PDE4D: variants seen among roughly 807,000 people sequenced by gnomAD.
PDE4D encodes 3',5'-cyclic-AMP phosphodiesterase 4D.
In PDE4D, 24 loss-of-function variants were observed where a neutral mutation model predicts 87.4. The ratio of observed to expected loss-of-function variants is 0.27; its 90% CI spans 0.20 to 0.39. The LOEUF (loss-of-function observed/expected upper bound fraction) is 0.39, where lower values mean the gene tolerates loss of function less well. Among genes scored for constraint, PDE4D ranks in the 10% least tolerant of loss-of-function variants. The pLI is 1.00. For synonymous variants in PDE4D, 384 were observed against 383.2 expected (o/e 1.00, Z -0.02); for missense variants, 714 against 1,041.0 (o/e 0.69, Z 4.32).
intron 2 of PDE4D, among the ~76,000 whole-genome samples, chr5:60,114,884 GTA>G (rs144111213): frequency 3.3e-5 from 5 of 150,004 alleles, no homozygotes; most frequent in African/African-American, 9.8e-5. Flanking sequence ...GTATGTGTGT[GTA>G]TATATATATG....
At chr5:59,525,565 G>A (rs1024979826) in intron 1 of PDE4D, among the ~76,000 whole-genome samples, 3 of 152,210 alleles carry the variant, frequency 2.0e-5, no homozygotes, top group Non-Finnish European at 4.4e-5. Context: ...GACTTTGGGA[G>A]ACTCTTGGGA....
rs932589798 is a variant in PDE4D at position 59,609,453 on chromosome 5, A to T, written c.455+283715T>A. Among the ~76,000 whole-genome samples, 15 of 152,090 alleles carry T rather than the reference A, an allele frequency of 9.9e-5. No homozygotes were observed. The East Asian group carries it at 2.9e-3, about 29-fold the overall frequency. On this transcript the variant is annotated intron_variant, in intron 1 of 14. Coordinates refer to ENST00000340635, the MANE Select transcript of PDE4D (RefSeq NM_001104631.2). ...ACTATGATTTGATGAAACAAGACAA[A>T]AAAGAAAAAAGATATGTGAGCAGAA...
At chr5:59,386,160 T>C (rs1786935818) in intron 1 of PDE4D, among the ~76,000 whole-genome samples, 2 of 152,242 alleles carry the variant, frequency 1.3e-5, no homozygotes, top group South Asian at 4.1e-4. Context: ...CTACAATTGA[T>C]TAGGAGTCCA....
chr5:59,595,741 GGA>G, intron 1 of PDE4D, among the ~76,000 whole-genome samples: 1 of 152,124 alleles, frequency 6.6e-6, no homozygotes, highest in Admixed American at 6.6e-5. Flanking sequence ...GTATTCCTCT[GGA>G]TGTTTCTATT....
intron 1 of PDE4D, among the ~76,000 whole-genome samples, chr5:59,615,739 A>C (rs1829576066): frequency 6.6e-6 from 1 of 152,162 alleles, no homozygotes; most frequent in African/African-American, 2.4e-5. Flanking sequence ...GCTTACTTTG[A>C]ATGTGACCCT....
intron 2 of PDE4D, among the ~76,000 whole-genome samples, chr5:60,115,696 C>G (rs1319919752): frequency 1.3e-5 from 2 of 152,030 alleles, no homozygotes; most frequent in African/African-American, 4.8e-5. Flanking sequence ...TGTATTTTTT[C>G]TCTGTATTTC....
At chr5:59,640,701 C>T (rs1458345081) in intron 1 of PDE4D, among the ~76,000 whole-genome samples, 2 of 152,200 alleles carry the variant, frequency 1.3e-5, no homozygotes, top group African/African-American at 4.8e-5. Context: ...TCACCTTTCT[C>T]TACTGCACAA....
chr5:59,868,996 A>G (rs572412863), intron 1 of PDE4D, among the ~76,000 whole-genome samples: 1 of 152,346 alleles, frequency 6.6e-6, no homozygotes, highest in East Asian at 1.9e-4. Context: ...TAATTAATGT[A>G]GTAAATAACA....
At chr5:59,274,905 T>C (rs1413598962) in intron 1 of PDE4D, among the ~76,000 whole-genome samples, 1 of 152,136 alleles carries the variant, frequency 6.6e-6, no homozygotes, top group Non-Finnish European at 1.5e-5. Flanking sequence ...TGTGTATGAT[T>C]AAATATAAAT....
At position 59,228,437 on chromosome 5, in the gene PDE4D, AAC is replaced by A. The variant is rs1294427781; in HGVS notation, c.456-12471_456-12470del. Among the ~76,000 whole-genome samples, 15 of 114,374 alleles carry A rather than the reference AAC, an allele frequency of 1.3e-4. 2 individuals carry two copies. The highest frequency in any genetic ancestry group is 8.0e-4 in the South Asian group (3 of 3,730). The allele number at this position is 114,374 out of a possible 152,430, so 75.0% of individuals were successfully genotyped here. ...TAAAAGTTAAAATATTAACAACAAC[AAC>A]AAAAAAAAAAAACAAGCAAGCAAAG... is the stretch of plus-strand genomic sequence containing the variant. On this transcript the variant is annotated intron_variant, in intron 1 of 14. Coordinates refer to ENST00000340635, the MANE Select transcript of PDE4D (RefSeq NM_001104631.2).
intron 1 of PDE4D, among the ~76,000 whole-genome samples, chr5:59,767,555 C>A (rs777296296): frequency 1.7e-4 from 26 of 151,862 alleles, no homozygotes; most frequent in Non-Finnish European, 2.8e-4. Context: ...GAAACAAATT[C>A]ACCCATTATA....
chr5:60,416,617 C>T (rs565436191), intron 1 of PDE4D, among the ~76,000 whole-genome samples: 41 of 152,188 alleles, frequency 2.7e-4, no homozygotes, highest in South Asian at 6.2e-4. Flanking sequence ...ATCCGAACAT[C>T]AGAAGGAACA....
intron 5 of PDE4D, chr5:59,039,413 C>T: frequency 2.0e-6 from 2 of 999,004 alleles, no homozygotes; most frequent in Non-Finnish European, 1.2e-6. Context: ...TCCTCGGTCC[C>T]CAACCCGGAG....
intron 1 of PDE4D, among the ~76,000 whole-genome samples, chr5:59,665,450 A>G (rs1238338762): frequency 6.6e-6 from 1 of 152,192 alleles, no homozygotes; most frequent in Non-Finnish European, 1.5e-5. Flanking sequence ...TAAAATTTCT[A>G]TCCAAAAAGT....
At chr5:59,365,459 C>T (rs964900693) in intron 1 of PDE4D, among the ~76,000 whole-genome samples, 3 of 152,084 alleles carry the variant, frequency 2.0e-5, no homozygotes, top group African/African-American at 7.2e-5. Flanking sequence ...GAGTAAGACC[C>T]TATCTCTAAA....
At chr5:60,065,576 A>C (rs975947084) in intron 2 of PDE4D, among the ~76,000 whole-genome samples, 1 of 151,872 alleles carries the variant, frequency 6.6e-6, no homozygotes, top group African/African-American at 2.4e-5. Flanking sequence ...TCCTAATGCT[A>C]TCCCTCCCCG....
intron 1 of PDE4D, among the ~76,000 whole-genome samples, chr5:59,689,826 C>T (rs542027784): frequency 7.9e-5 from 12 of 152,176 alleles, no homozygotes; most frequent in East Asian, 1.9e-4. Context: ...AAAACCCCAT[C>T]GTCTCAGCCC....
At chr5:59,720,236 G>A (rs140730209) in intron 1 of PDE4D, among the ~76,000 whole-genome samples, 2,516 of 152,096 alleles carry the variant, frequency 0.017, 67 homozygotes, top group African/African-American at 0.057. Flanking sequence ...ATTGTGGCCC[G>A]CTGCAGCCTT....
chr5:60,048,735 GCTGTTAGT>G (rs1562023670), intron 2 of PDE4D, among the ~76,000 whole-genome samples: 1 of 151,898 alleles, frequency 6.6e-6, no homozygotes, highest in African/African-American at 2.4e-5. Context: ...TGAGAGATCC[GCTGTTAGT>G]CTGATGGGCT....
Sources: allele counts gnomAD v4.1 joint callset (sites outside exome capture counted in the v4.1 genomes callset), GRCh38; gene constraint gnomAD v4.1.1; transcripts MANE v1.5; gene names NCBI Gene and HGNC (gene_info 2026-07-23, HGNC 2026-07-21).